The following SPOCK3 variants were observed in gnomAD, a reference collection of about 807,000 sequenced individuals.
SPOCK3 encodes SPARC (osteonectin), cwcv and kazal like domains proteoglycan 3, also known as testican-3.
SPOCK3 carries 30 observed loss-of-function variants against 56.6 expected under a neutral mutation model. The observed-to-expected ratio is 0.53, with a 90% CI of 0.40 to 0.72. SPOCK3 has a LOEUF of 0.72. SPOCK3 is among the 30% of genes least tolerant of loss of function. SPOCK3 has a pLI of 0.00. For synonymous variants in SPOCK3, 196 were observed against 183.3 expected (o/e 1.07, Z -0.56); for missense variants, 527 against 530.0 (o/e 0.99, Z 0.06).
intron 7 of SPOCK3, among the ~76,000 whole-genome samples, chr4:166,773,035 G>C (rs1200583335): frequency 6.6e-6 from 1 of 152,092 alleles, no homozygotes; most frequent in Non-Finnish European, 1.5e-5. Flanking sequence ...CAAGCAATTT[G>C]CCTGCTTTGT....
intron 4 of SPOCK3, among the ~76,000 whole-genome samples, chr4:166,939,016 T>A (rs1164734779): frequency 1.3e-5 from 2 of 151,906 alleles, no homozygotes; most frequent in Non-Finnish European, 2.9e-5. Flanking sequence ...GTATGAAACA[T>A]GTTTATATGT....
chr4:166,886,866 G>C (rs1275284083), intron 6 of SPOCK3, among the ~76,000 whole-genome samples: 4 of 152,112 alleles, frequency 2.6e-5, no homozygotes, highest in Non-Finnish European at 5.9e-5. Context: ...TATTTCCCCT[G>C]TCTCTCAGCC....
chr4:166,842,866 G>C (rs1027859380), intron 6 of SPOCK3, among the ~76,000 whole-genome samples: 2 of 152,248 alleles, frequency 1.3e-5, no homozygotes, highest in Non-Finnish European at 2.9e-5. Context: ...GCAGTAGATG[G>C]AACCGGGTGC....
chr4:166,839,557 C>T (rs1228931175), intron 6 of SPOCK3, among the ~76,000 whole-genome samples: 1 of 152,088 alleles, frequency 6.6e-6, no homozygotes, highest in East Asian at 1.9e-4. Context: ...ACTGCCCTAA[C>T]TCCACACTAA....
chr4:167,202,531 G>C (rs1325308705), intron 2 of SPOCK3, among the ~76,000 whole-genome samples: 1 of 151,882 alleles, frequency 6.6e-6, no homozygotes, highest in Non-Finnish European at 1.5e-5. Context: ...ATGCATCCTA[G>C]CATTTATGCC....
At chr4:166,994,440 GCTCTGACA>G (rs1748139647) in intron 4 of SPOCK3, among the ~76,000 whole-genome samples, 1 of 152,080 alleles carries the variant, frequency 6.6e-6, no homozygotes, top group African/African-American at 2.4e-5. Flanking sequence ...GGCCCCTTGT[GCTCTGACA>G]TACATTCTGG....
At chr4:167,161,015 C>A (rs191872431) in intron 2 of SPOCK3, among the ~76,000 whole-genome samples, 1,553 of 152,066 alleles carry the variant, frequency 0.01, 23 homozygotes, top group African/African-American at 0.035. Context: ...CACCAAAAGC[C>A]ATGGCAACAA....
chr4:166,754,005 G>T, intron 8 of SPOCK3: 1 of 712,064 alleles, frequency 1.4e-6, no homozygotes, highest in Non-Finnish European at 1.7e-6. Context: ...TTTATAAAAG[G>T]TAAGCTATTT....
chr4:166,797,970 A>G (rs72697521), intron 6 of SPOCK3, among the ~76,000 whole-genome samples: 7,896 of 152,222 alleles, frequency 0.052, 273 homozygotes, highest in Middle Eastern at 0.068. Flanking sequence ...CATCATATAC[A>G]ATGTTGCTCC....
chr4:167,167,415 T>C (rs1221923166), intron 2 of SPOCK3, among the ~76,000 whole-genome samples: 1 of 152,182 alleles, frequency 6.6e-6, no homozygotes, highest in East Asian at 1.9e-4. Context: ...TAAAAGTTGG[T>C]ATTTCTTTCT....
At chr4:166,906,036 CTTGT>C (rs1439274275) in intron 5 of SPOCK3, among the ~76,000 whole-genome samples, 1 of 151,938 alleles carries the variant, frequency 6.6e-6, no homozygotes, top group Non-Finnish European at 1.5e-5. Context: ...ATGATTCTAG[CTTGT>C]TTTCTATAGA....
chr4:167,029,141 C>A (rs1393648013), intron 3 of SPOCK3, among the ~76,000 whole-genome samples: 1 of 151,984 alleles, frequency 6.6e-6, no homozygotes, highest in African/African-American at 2.4e-5. Context: ...CATCATGCAG[C>A]TCCCACTTAT....
intron 2 of SPOCK3, among the ~76,000 whole-genome samples, chr4:167,105,400 A>T (rs1181781141): frequency 1.3e-5 from 2 of 150,984 alleles, no homozygotes; most frequent in Non-Finnish European, 3.0e-5. Context: ...ATCATTTATA[A>T]TATAGTAATT....
chr4:167,058,789 G>T (rs972946001), intron 3 of SPOCK3, among the ~76,000 whole-genome samples: 1 of 152,116 alleles, frequency 6.6e-6, no homozygotes, highest in African/African-American at 2.4e-5. Context: ...CATGGTACTG[G>T]TACCAAAACA....
chr4:167,047,257 T>C (rs898861430), intron 3 of SPOCK3, among the ~76,000 whole-genome samples: 9 of 152,170 alleles, frequency 5.9e-5, no homozygotes, highest in South Asian at 2.1e-4. Context: ...ACGAGTATTT[T>C]AAAAATAGGG....
At chr4:167,013,045 A>G (rs1490134509) in intron 3 of SPOCK3, among the ~76,000 whole-genome samples, 2 of 152,002 alleles carry the variant, frequency 1.3e-5, no homozygotes, top group Non-Finnish European at 2.9e-5. Flanking sequence ...TTCAAACCTT[A>G]ATATTACTTC....
At chr4:167,054,378 G>A (rs541111216) in intron 3 of SPOCK3, among the ~76,000 whole-genome samples, 1 of 152,244 alleles carries the variant, frequency 6.6e-6, no homozygotes, top group Admixed American at 6.5e-5. Context: ...TCTTTATCAT[G>A]CTACCACCTA....
intron 5 of SPOCK3, among the ~76,000 whole-genome samples, chr4:166,912,102 A>G (rs888187938): frequency 2.0e-5 from 3 of 152,156 alleles, no homozygotes; most frequent in African/African-American, 7.2e-5. Context: ...ACAATGTAGA[A>G]GAGAGAGCAA....
At chr4:166,980,109 G>A (rs931059490) in intron 4 of SPOCK3, among the ~76,000 whole-genome samples, 2 of 152,116 alleles carry the variant, frequency 1.3e-5, no homozygotes, top group Non-Finnish European at 2.9e-5. Context: ...CTGCCAATTT[G>A]GATATCATAC....
Sources: allele counts gnomAD v4.1 joint callset (sites outside exome capture counted in the v4.1 genomes callset), GRCh38; gene constraint gnomAD v4.1.1; transcripts MANE v1.5; gene names NCBI Gene and HGNC (gene_info 2026-07-23, HGNC 2026-07-21).